The following FAT1 variants were observed in gnomAD, a reference collection of about 807,000 sequenced individuals.
FAT1 encodes protocadherin Fat 1.
FAT1 carries 171 observed loss-of-function variants against 329.8 expected under a neutral mutation model. That is an observed-to-expected ratio of 0.52 (90% CI 0.46 to 0.59). FAT1 has a LOEUF of 0.59. Ranked by LOEUF, FAT1 falls within the 20% of genes least tolerant of loss-of-function variation. The probability of loss-of-function intolerance (pLI) is 0.00; values close to 1 mark genes in which losing one functional copy is unlikely to be tolerated. For synonymous variants in FAT1, 2,233 were observed against 2,228.6 expected (o/e 1.00, Z -0.06); for missense variants, 5,672 against 5,774.4 (o/e 0.98, Z 0.57).
intron 1 of FAT1, among the ~76,000 whole-genome samples, chr4:186,720,858 G>A (rs1312526774): frequency 2.0e-5 from 3 of 152,220 alleles, no homozygotes; most frequent in Non-Finnish European, 2.9e-5. Context: ...GGGATATAGA[G>A]AGGGATAACA....
rs1297611244 is a variant in FAT1, at chr4:186,692,657, C to G, written c.3265+13906G>C. 2.0e-5 allele frequency among the ~76,000 whole-genome samples: 3 copies of G among 152,148 alleles called. No homozygotes were observed. The East Asian group carries it at 5.8e-4, about 29-fold the overall frequency. ...GAGATGTCAGAGGGCTGCATGAAAC[C>G]TAAAGATACCAAATCAACACTCCTA... On this transcript the variant is annotated intron_variant, in intron 2 of 26. Transcript: ENST00000441802.
intron 3 of FAT1, among the ~76,000 whole-genome samples, chr4:186,651,320 C>T (rs1380769953): frequency 2.0e-5 from 3 of 151,938 alleles, no homozygotes; most frequent in Non-Finnish European, 4.4e-5. Context: ...TGAAACGGCC[C>T]CAGAACAAAG....
chr4:186,610,723 TATAA>T (rs1187944089), intron 14 of FAT1, among the ~76,000 whole-genome samples: 1 of 111,020 alleles, frequency 9.0e-6, no homozygotes, highest in African/African-American at 4.4e-5. Flanking sequence ...ATATAATTTA[TATAA>T]ATATAAATTT....
intron 2 of FAT1, among the ~76,000 whole-genome samples, chr4:186,665,716 T>A (rs997829880): frequency 1.3e-5 from 2 of 152,124 alleles, no homozygotes; most frequent in Non-Finnish European, 2.9e-5. Flanking sequence ...TTTGTCAATT[T>A]TGGCTTTTGT....
In FAT1 at chr4:186,682,526, CAAAAAAAA is replaced by C. The variant is rs10561120; in HGVS notation, c.3266-18921_3266-18914del. On this transcript the variant is annotated intron_variant, in intron 2 of 26. Transcript: ENST00000441802. ...TGAGTGAAAGAGCGAGACTCTGTCT[CAAAAAAAA>C]AAAAAAAAAAGAAAGTTGTAAATGT... 4.9e-4 allele frequency among the ~76,000 whole-genome samples: 59 copies of C among 119,670 alleles called. 1 individual carries two copies. Among genetic ancestry groups the C allele is most frequent in the Non-Finnish European group, 3.0e-4 (19 of 62,640 alleles). 78.5% of individuals were successfully genotyped at this position (119,670 alleles called of 152,430 possible). A position where few individuals can be genotyped will look rare whatever the true frequency, so the allele number is the denominator to read the frequency against.
At chr4:186,685,343 A>C (rs1052059730) in intron 2 of FAT1, among the ~76,000 whole-genome samples, 1 of 152,232 alleles carries the variant, frequency 6.6e-6, no homozygotes, top group Non-Finnish European at 1.5e-5. Context: ...CACCACCACA[A>C]TAAGAGCAAC....
rs1011472049 is a variant in FAT1, at chr4:186,596,648, C to T, written c.12892G>A (p.Ala4298Thr). ...GGCGCCACGCTGCAGACCGCCACTG[C>T]TTTTCGGTGCCCGTGCACAGACTCG... is the stretch of plus-strand genomic sequence containing the variant. ...NPESVHGHRK[A>T]VAVCSVAPNL... is the part of the protein sequence containing the mutation. The change falls in exon 25 of 27, where the codon GCA (alanine) becomes ACA (threonine). Residue 4298 changes from alanine (A) to threonine (T), a missense_variant. Ala to Thr is a moderately conservative substitution (Grantham distance 58, BLOSUM62 0). Coordinates refer to ENST00000441802, the MANE Select transcript of FAT1 (RefSeq NM_005245.4). This position sits in a 1 kb window ranked among gnomAD's most constrained non-coding sequence, Gnocchi z 4.7. 1 of 1,610,836 alleles carries T rather than the reference C, an allele frequency of 6.2e-7. No individual in the cohort carries two copies. Among genetic ancestry groups the T allele is most frequent in the Non-Finnish European group, 8.5e-7 (1 of 1,178,228 alleles).
intron 6 of FAT1, among the ~76,000 whole-genome samples, chr4:186,635,248 G>A (rs576623917): frequency 8.8e-4 from 134 of 152,202 alleles, no homozygotes; most frequent in African/African-American, 3.2e-3. Context: ...CCCCCAGAGA[G>A]ATGAATCGCA....
intron 5 of FAT1, 79 bp downstream of exon 5, chr4:186,636,504 TAA>T: frequency 7.2e-7 from 1 of 1,394,588 alleles, no homozygotes; most frequent in Non-Finnish European, 9.8e-7. Context: ...AAAATAGAAA[TAA>T]AGTTACTAAA....
chr4:186,651,604 C>T (rs909864894), intron 3 of FAT1, among the ~76,000 whole-genome samples: 7 of 152,160 alleles, frequency 4.6e-5, no homozygotes, highest in Non-Finnish European at 1.0e-4. Context: ...AACACTGGAT[C>T]CCCCCGAAAC....
intron 9 of FAT1, among the ~76,000 whole-genome samples, chr4:186,622,029 G>A (rs999802476): frequency 2.0e-4 from 30 of 152,156 alleles, no homozygotes; most frequent in African/African-American, 6.5e-4. Context: ...TGCTCTTAGC[G>A]AAGCCAAAAC....
chr4:186,604,967 C>A (rs1739028452), intron 17 of FAT1, among the ~76,000 whole-genome samples: 1 of 151,750 alleles, frequency 6.6e-6, no homozygotes, highest in Non-Finnish European at 1.5e-5. Flanking sequence ...GCCTGTCATC[C>A]CAGCACTTTG....
chr4:186,652,186 G>C (rs1183323507), intron 3 of FAT1, among the ~76,000 whole-genome samples: 2 of 152,148 alleles, frequency 1.3e-5, no homozygotes, highest in African/African-American at 4.8e-5. Flanking sequence ...TAAAACATAA[G>C]ATCGACAGCA....
At position 186,628,761 on chromosome 4, in the gene FAT1, T is replaced by C. The variant is rs746417646; in HGVS notation, c.4326A>G (p.Val1442=). 5.0e-6 allele frequency: 8 copies of C among 1,611,770 alleles called. No individual in the cohort carries two copies. The highest frequency in any genetic ancestry group is 3.3e-5 in the Admixed American group (2 of 59,902). Residue 1442 remains valine, a splice_region_variant and synonymous_variant, in exon 8 of 27, where the codon GTA becomes GTG. Coordinates refer to ENST00000441802, the MANE Select transcript of FAT1 (RefSeq NM_005245.4). ...CATTTGTGTCTATTACTTTGATGAA[T>C]ACCTGTAATGGATGACAAAATGACT... ...TDGTTTILTQ[V]FIKVIDTNDH...
At chr4:186,612,822 A>C (rs1387371379) in intron 13 of FAT1, among the ~76,000 whole-genome samples, 4 of 152,234 alleles carry the variant, frequency 2.6e-5, no homozygotes, top group South Asian at 2.1e-4. Flanking sequence ...TTTATTGACA[A>C]AATAACACAT....
intron 26 of FAT1, among the ~76,000 whole-genome samples, chr4:186,591,162 C>T (rs749732372): frequency 2.0e-5 from 3 of 152,174 alleles, no homozygotes; most frequent in Non-Finnish European, 2.9e-5. Flanking sequence ...GGTGAAAATC[C>T]GTTAGAGTTG....
chr4:186,706,645 C>G lies in FAT1; in HGVS notation c.3183G>C (p.Glu1061Asp), dbSNP rs887338645. 1 of 1,613,866 alleles carries G rather than the reference C, an allele frequency of 6.2e-7. No homozygotes were observed. Among genetic ancestry groups the G allele is most frequent in the African/African-American group, 1.3e-5 (1 of 74,918 alleles). ...GGATCTCCCCATCTCTTCTGGCGTCCTCATCATGAGCCGACACCGTCATTA... is the reference window on the plus strand; with the variant it reads ...GGATCTCCCCATCTCTTCTGGCGTCGTCATCATGAGCCGACACCGTCATTA... ...SLVMTVSAHD[E>D]DARRDGEIRY... The change falls in exon 2 of 27, where the codon GAG (glutamate) becomes GAC (aspartate). Residue 1061 changes from glutamate (E) to aspartate (D), a missense_variant. Around this residue, in one of 2 missense-constraint regions of FAT1, gnomAD observed 3,966 missense variants for 3,915.2 expected, o/e 1.01. Coordinates refer to ENST00000441802, the MANE Select transcript of FAT1 (RefSeq NM_005245.4).
At position 186,618,934 on chromosome 4, in the gene FAT1, A is replaced by C; in HGVS notation, c.7652T>G (p.Leu2551Trp). Residue 2551 changes from leucine (L) to tryptophan (W), a missense_variant, in exon 10 of 27, where the codon TTG becomes TGG. Transcript: ENST00000441802. ...YINERGQIFTLEKLDRETPAE... is the reference protein window; with the variant it reads ...YINERGQIFTWEKLDRETPAE... ...CGGGGTTTCTCGATCAAGTTTTTCC[A>C]AAGTAAATATCTGTCCTCTCTCATT... 1 of 1,613,942 alleles carries C rather than the reference A, an allele frequency of 6.2e-7. No homozygotes were observed. Among genetic ancestry groups the C allele is most frequent in the Non-Finnish European group, 8.5e-7 (1 of 1,179,902 alleles).
At chr4:186,713,867 T>TA (rs1260320516) in intron 1 of FAT1, among the ~76,000 whole-genome samples, 1 of 152,120 alleles carries the variant, frequency 6.6e-6, no homozygotes, top group African/African-American at 2.4e-5. Flanking sequence ...TTGTATTTTT[T>TA]ATAGAGACGG....
Sources: gnomAD v4.1 joint callset for allele counts (sites outside exome capture counted in the v4.1 genomes callset) on GRCh38, gnomAD v4.1.1 for gene constraint, gnomAD v4.1.1 regional missense constraint, Gnocchi (gnomAD v3.1) non-coding constraint, MANE v1.5 for transcripts, NCBI Gene and HGNC (gene_info 2026-07-23, HGNC 2026-07-21) for gene names.